The following UTP20 variants were observed in gnomAD, a reference collection of about 807,000 sequenced individuals.
UTP20 encodes small subunit processome component 20 homolog.
Under a neutral mutation model 329.5 loss-of-function variants are expected in UTP20, and 164 were observed. That is an observed-to-expected ratio of 0.50 (90% CI 0.44 to 0.57). The LOEUF (loss-of-function observed/expected upper bound fraction) is 0.57. Among genes scored for constraint, UTP20 ranks in the 20% least tolerant of loss-of-function variants. The pLI is 0.00. For missense variants in UTP20, 3,055 were observed against 3,284.2 expected (o/e 0.93, Z 1.71); for synonymous variants, 1,151 against 1,159.3 (o/e 0.99, Z 0.14).
At chr12:101,351,647 T>C (rs1869531754) in intron 38 of UTP20, among the ~76,000 whole-genome samples, 1 of 151,596 alleles carries the variant, frequency 6.6e-6, no homozygotes, top group African/African-American at 2.4e-5. Flanking sequence ...ATCACCTAGA[T>C]ATTAAGCCCA....
rs776125449 is a variant in UTP20, at chr12:101,290,888, A to T, written c.891A>T (p.Gln297His). The change falls in exon 8 of 62, where the codon CAA becomes CAT. Residue 297 changes from glutamine (Q) to histidine (H), a missense_variant and splice_region_variant. Gln to His is a conservative substitution (Grantham distance 24). This residue lies in a region of UTP20 where 2,445 missense variants were observed against 2,575.5 expected (regional missense o/e 0.95). Transcript: ENST00000261637. ...TTGGTACATTTTTTGAATGTTTGCAAGTGAGTTCTAATCTTTAAGGATGGG... is the reference window on the plus strand; with the variant it reads ...TTGGTACATTTTTTGAATGTTTGCATGTGAGTTCTAATCTTTAAGGATGGG... ...EHFGTFFECL[Q>H]ESLLDLHTKV... The T allele has an allele frequency of 6.2e-7, 1 of 1,611,488 alleles. No homozygotes were observed. Among genetic ancestry groups the T allele is most frequent in the Non-Finnish European group, 8.5e-7 (1 of 1,179,326 alleles).
chr12:101,359,660 A>T (rs1192487412), intron 43 of UTP20, among the ~76,000 whole-genome samples: 1 of 152,106 alleles, frequency 6.6e-6, no homozygotes, highest in Non-Finnish European at 1.5e-5. Context: ...TTTCAGTTCT[A>T]AAATTTTCAT....
chr12:101,340,743 A>C (rs551008624), intron 32 of UTP20, 133 bp downstream of exon 32: 14 of 610,324 alleles, frequency 2.3e-5, no homozygotes, highest in Non-Finnish European at 3.4e-5. Context: ...CTTTATATAG[A>C]AATTAAAAAA....
At chr12:101,362,332 C>T (rs1206331009) in intron 44 of UTP20, among the ~76,000 whole-genome samples, 10 of 152,170 alleles carry the variant, frequency 6.6e-5, no homozygotes, top group African/African-American at 1.2e-4. Context: ...TTTTCAGTCA[C>T]ATCTAAGAAT....
intron 57 of UTP20, among the ~76,000 whole-genome samples, chr12:101,380,597 T>C (rs932945646): frequency 6.6e-6 from 1 of 151,908 alleles, no homozygotes; most frequent in Non-Finnish European, 1.5e-5. Context: ...GTGTGGTGGC[T>C]CATGCCTGTA....
intron 49 of UTP20, 102 bp from the exon 50 acceptor site, chr12:101,370,330 G>T (rs997275976): frequency 7.3e-7 from 1 of 1,378,646 alleles, no homozygotes; most frequent in African/African-American, 1.5e-5. Flanking sequence ...CTGGCACCCT[G>T]TTTGGAAAAG....
chr12:101,290,306 T>C (rs1872097048), intron 7 of UTP20, 32 bp downstream of exon 7: 1 of 1,553,442 alleles, frequency 6.4e-7, no homozygotes, highest in Non-Finnish European at 8.7e-7. Flanking sequence ...TTAGAGTCTA[T>C]GTGGATGGAT....
At position 101,329,326 on chromosome 12, in the gene UTP20, A is replaced by G. The variant is rs766018627; in HGVS notation, c.3294A>G (p.Leu1098=). The change falls in exon 27 of 62, where the codon TTA becomes TTG. Residue 1098 remains leucine (L), a synonymous_variant. Transcript: ENST00000261637. The part of the protein sequence containing the change: ...VLPLGRQHGI[L]NSLEIVLKNI... ...CTTTAGGTCGTCAGCACGGTATCTT[A>G]AACAGCCTTGAGATAGTATTGAAAA... The G allele has an allele frequency of 4.3e-6, 7 of 1,614,064 alleles. No individual in the cohort carries two copies. The highest frequency in any genetic ancestry group is 5.1e-6 in the Non-Finnish European group (6 of 1,180,044).
chr12:101,341,380 C>T (rs1869131046), intron 32 of UTP20, among the ~76,000 whole-genome samples: 1 of 152,128 alleles, frequency 6.6e-6, no homozygotes, highest in Non-Finnish European at 1.5e-5. Context: ...TTTTCAAACC[C>T]TAGTTCAATC....
At chr12:101,281,672 C>T (rs773203861) in intron 2 of UTP20, among the ~76,000 whole-genome samples, 1 of 152,130 alleles carries the variant, frequency 6.6e-6, no homozygotes, top group Non-Finnish European at 1.5e-5. Context: ...TTTAACCATA[C>T]TCTGACTCTG....
chr12:101,339,705 A>G (rs777374602), intron 31 of UTP20, among the ~76,000 whole-genome samples: 5 of 152,178 alleles, frequency 3.3e-5, no homozygotes, highest in Non-Finnish European at 7.3e-5. Flanking sequence ...TCTGTTTGGC[A>G]GTAGACCTAG....
Position 101,280,113 on chromosome 12 carries a change from T to C in UTP20, c.-170T>C. ...TTCCGTCCACGTGACCCACTCAGGC[T>C]CCTCCTTGTCTCCAACATGGCGGCG... On this transcript the variant is annotated 5_prime_UTR_variant, in exon 1 of 62. Coordinates refer to ENST00000261637, the MANE Select transcript of UTP20 (RefSeq NM_014503.3). 1.3e-6 allele frequency: 1 copy of C among 798,532 alleles called. No homozygotes were observed. The highest frequency in any genetic ancestry group is 1.8e-5 in the African/African-American group (1 of 56,560). The allele number at this position is 798,532 out of a possible 1,614,324, so 49.5% of individuals were successfully genotyped here. A position where few individuals can be genotyped will look rare whatever the true frequency, so the allele number is the denominator to read the frequency against.
At chr12:101,303,440 A>T (rs1267995042) in intron 15 of UTP20, among the ~76,000 whole-genome samples, 2 of 152,202 alleles carry the variant, frequency 1.3e-5, no homozygotes, top group African/African-American at 4.8e-5. Flanking sequence ...CTTACTGAGG[A>T]GGAGACACTT....
At chr12:101,336,894 G>A (rs952383501) in intron 29 of UTP20, among the ~76,000 whole-genome samples, 1 of 152,238 alleles carries the variant, frequency 6.6e-6, no homozygotes, top group African/African-American at 2.4e-5. Context: ...AGGGAAAACG[G>A]TTTGGTCACT....
chr12:101,382,126 C>T (rs1369693450), intron 58 of UTP20, among the ~76,000 whole-genome samples: 1 of 151,204 alleles, frequency 6.6e-6, no homozygotes, highest in African/African-American at 2.4e-5. Flanking sequence ...TAAAATGGGG[C>T]TGGTGTGGTG....
At position 101,280,408 on chromosome 12, in the gene UTP20, G is replaced by C. The variant is rs958181726; in HGVS notation, c.45+81G>C. The C allele has an allele frequency of 2.0e-6, 3 of 1,519,148 alleles. No homozygotes were observed. In the African/African-American group the frequency reaches 4.2e-5, roughly 21 times the overall value. The allele number at this position is 1,519,148 out of a possible 1,614,324, so 94.1% of individuals were successfully genotyped here. A position where few individuals can be genotyped will look rare whatever the true frequency, so the allele number is the denominator to read the frequency against. On this transcript the variant is annotated intron_variant, in intron 1 of 61. Transcript: ENST00000261637. ...ACAGGCTCTGAGCGAGACTCCAGGG[G>C]CCTCAGACTTCTGGGCCGAGTGTGT...
chr12:101,374,245 A>T (rs186481284), intron 54 of UTP20, among the ~76,000 whole-genome samples: 270 of 152,194 alleles, frequency 1.8e-3, no homozygotes, highest in South Asian at 7.7e-3. Context: ...AAAAAAAAAA[A>T]AAATAAATAA....
intron 19 of UTP20, among the ~76,000 whole-genome samples, 178 bp downstream of exon 19, chr12:101,310,017 A>T (rs1242731867): frequency 6.6e-6 from 1 of 152,210 alleles, no homozygotes; most frequent in African/African-American, 2.4e-5. Flanking sequence ...ATTCTCTCTG[A>T]TGCCACATCT....
At chr12:101,339,213 T>C (rs1432381671) in intron 31 of UTP20, among the ~76,000 whole-genome samples, 4 of 152,030 alleles carry the variant, frequency 2.6e-5, no homozygotes, top group Non-Finnish European at 5.9e-5. Flanking sequence ...CTCAGGAGAC[T>C]GAGGCAGGAG....
Sources: allele counts gnomAD v4.1 joint callset (sites outside exome capture counted in the v4.1 genomes callset), GRCh38; gene constraint gnomAD v4.1.1; regional missense constraint gnomAD v4.1.1; transcripts MANE v1.5; gene names NCBI Gene and HGNC (gene_info 2026-07-23, HGNC 2026-07-21).